The following NAV2 variants were observed in gnomAD, a reference collection of about 807,000 sequenced individuals.
NAV2 encodes helicase, APC down-regulated 1.
NAV2 carries 54 observed loss-of-function variants against 223.2 expected under a neutral mutation model. The observed-to-expected ratio is 0.24, with a 90% CI of 0.19 to 0.30. NAV2 has a LOEUF of 0.30. Ranked by LOEUF, NAV2 falls within the 10% of genes least tolerant of loss-of-function variation. The probability of loss-of-function intolerance (pLI) is 1.00; values close to 1 mark genes in which losing one functional copy is unlikely to be tolerated. For synonymous variants in NAV2, 1,279 were observed against 1,239.3 expected, an observed-to-expected ratio of 1.03 and a Z score of -0.67; for missense variants, 2,806 against 3,147.5, an observed-to-expected ratio of 0.89 and a Z score of 2.60.
At chr11:19,348,495 C>T (rs1465073310), upstream of NAV2, among the ~76,000 whole-genome samples, 2 of 152,156 alleles carry the variant, frequency 1.3e-5, no homozygotes, top group Admixed American at 6.5e-5. Flanking sequence ...ACCCACACTT[C>T]CTCGCTGTGT....
intron 1 of NAV2, among the ~76,000 whole-genome samples, chr11:19,490,837 C>A (rs998323880): frequency 6.6e-6 from 1 of 152,152 alleles, no homozygotes; most frequent in African/African-American, 2.4e-5. Flanking sequence ...TAATCCATGG[C>A]AGTTATAGCC....
intron 6 of NAV2, among the ~76,000 whole-genome samples, chr11:19,932,948 C>T (rs1424138055): frequency 6.6e-6 from 1 of 152,190 alleles, no homozygotes; most frequent in Non-Finnish European, 1.5e-5. Flanking sequence ...GTGGCACATG[C>T]CACCAAAATG....
intron 3 of NAV2, among the ~76,000 whole-genome samples, chr11:19,851,624 A>G (rs998857872): frequency 4.6e-5 from 7 of 152,194 alleles, no homozygotes; most frequent in Non-Finnish European, 1.0e-4. Context: ...AGTTAATGCA[A>G]GTGAGAAGGT....
intron 1 of NAV2, among the ~76,000 whole-genome samples, chr11:19,794,879 C>T (rs12807985): frequency 0.44 from 67,540 of 152,026 alleles, 15,539 homozygotes; most frequent in East Asian, 0.67. Context: ...AAACCTTTCC[C>T]CTCCCTCAAC....
intron 6 of NAV2, among the ~76,000 whole-genome samples, chr11:19,916,726 G>T (rs137859432): frequency 6.6e-6 from 1 of 152,222 alleles, no homozygotes. Context: ...TTTGGACTTC[G>T]AGGGCCATGG....
At chr11:19,697,389 C>T (rs1361501373) in intron 1 of NAV2, among the ~76,000 whole-genome samples, 1 of 151,950 alleles carries the variant, frequency 6.6e-6, no homozygotes, top group Admixed American at 6.6e-5. Context: ...ACACAATTTA[C>T]CCATGTAACA....
At chr11:19,569,786 G>A (rs1306449321) in intron 1 of NAV2, among the ~76,000 whole-genome samples, 1 of 152,192 alleles carries the variant, frequency 6.6e-6, no homozygotes, top group Non-Finnish European at 1.5e-5. Flanking sequence ...CCTGGGGAGG[G>A]AGAACTGCCC....
intron 11 of NAV2, among the ~76,000 whole-genome samples, chr11:19,985,000 G>A (rs1355167813): frequency 1.3e-5 from 2 of 152,148 alleles, no homozygotes; most frequent in Admixed American, 1.3e-4. Context: ...TAATGATCTG[G>A]CTGTTTAAGG....
intron 1 of NAV2, among the ~76,000 whole-genome samples, chr11:19,461,806 A>G (rs34391944): frequency 0.088 from 13,439 of 152,274 alleles, 676 homozygotes; most frequent in Admixed American, 0.13. Flanking sequence ...TATGAACCTT[A>G]TATCTCGGTT....
intron 1 of NAV2, among the ~76,000 whole-genome samples, chr11:19,614,069 G>T (rs981920926): frequency 6.6e-6 from 1 of 152,172 alleles, no homozygotes; most frequent in Non-Finnish European, 1.5e-5. Flanking sequence ...TTTCAGAACT[G>T]CAGGGTGCTG....
chr11:20,088,772 G>A (rs185045376), intron 26 of NAV2, among the ~76,000 whole-genome samples: 1 of 152,274 alleles, frequency 6.6e-6, no homozygotes, highest in Non-Finnish European at 1.5e-5. Flanking sequence ...ACTTGAGCAA[G>A]GTGCCTTATC....
intron 7 of NAV2, among the ~76,000 whole-genome samples, chr11:19,934,539 G>A (rs2707079): frequency 0.17 from 26,497 of 152,036 alleles, 3,122 homozygotes; most frequent in East Asian, 0.36. Context: ...GCATAGGAAA[G>A]TGGGGACCCC....
chr11:20,052,510 G>A (rs2058077484), intron 17 of NAV2, among the ~76,000 whole-genome samples: 1 of 152,216 alleles, frequency 6.6e-6, no homozygotes, highest in African/African-American at 2.4e-5. Flanking sequence ...CTCACTGTGA[G>A]TTTGACTTTG....
At chr11:19,752,396 A>G (rs1268130952) in intron 1 of NAV2, among the ~76,000 whole-genome samples, 1 of 152,190 alleles carries the variant, frequency 6.6e-6, no homozygotes, top group African/African-American at 2.4e-5. Context: ...CCATGCACAT[A>G]TACATACACT....
chr11:19,522,769 T>A (rs916023375), intron 1 of NAV2, among the ~76,000 whole-genome samples: 10 of 152,228 alleles, frequency 6.6e-5, no homozygotes, highest in African/African-American at 2.2e-4. Context: ...GAAGAGAACA[T>A]GCTCTGTCCA....
chr11:19,570,117 TGAG>T (rs1168311908), intron 1 of NAV2, among the ~76,000 whole-genome samples: 1 of 152,118 alleles, frequency 6.6e-6, no homozygotes, highest in Non-Finnish European at 1.5e-5. Flanking sequence ...TTATTGGAGA[TGAG>T]GGGATAATGG....
At chr11:19,384,758 A>G (rs1407419537) in intron 1 of NAV2, 1 of 152,166 alleles carries the variant, frequency 6.6e-6, no homozygotes, top group African/African-American at 2.4e-5. Context: ...TTCATACAAC[A>G]AGGCATCTGG....
intron 1 of NAV2, among the ~76,000 whole-genome samples, chr11:19,362,721 G>A (rs1854026838): frequency 6.6e-6 from 1 of 152,170 alleles, no homozygotes; most frequent in African/African-American, 2.4e-5. Flanking sequence ...GAGAAACTTA[G>A]TTGTCTTCTC....
intron 1 of NAV2, among the ~76,000 whole-genome samples, chr11:19,620,534 C>A (rs1407541047): frequency 2.2e-4 from 33 of 152,056 alleles, no homozygotes. Context: ...TGTGAATGGG[C>A]ATTCACTCAT....
Sources: gnomAD v4.1 joint callset for allele counts (sites outside exome capture counted in the v4.1 genomes callset) on GRCh38, gnomAD v4.1.1 for gene constraint, MANE v1.5 for transcripts, NCBI Gene and HGNC (gene_info 2026-07-23, HGNC 2026-07-21) for gene names.